Variants in AKAP8 observed in about 807,000 individuals in gnomAD.
AKAP8 encodes A-kinase anchoring protein 8.
AKAP8 carries 24 observed loss-of-function variants against 67.5 expected under a neutral mutation model. That is an observed-to-expected ratio of 0.36 (90% confidence interval 0.26 to 0.50). The LOEUF is 0.50. AKAP8 is among the 20% of genes least tolerant of loss of function. The pLI, the probability that AKAP8 is intolerant of heterozygous loss-of-function variation, is 0.97. For synonymous variants in AKAP8, 400 were observed against 371.1 expected, an observed-to-expected ratio of 1.08 and a Z score of -0.90; for missense variants, 971 against 955.9, an observed-to-expected ratio of 1.02 and a Z score of -0.21.
At chr19:15,379,011 G>C (rs1967313450) in intron 1 of AKAP8, 1 of 152,932 alleles carries the variant, frequency 6.5e-6, no homozygotes, top group South Asian at 2.0e-4. Flanking sequence ...CGAACACTCA[G>C]CATCTGCCCC....
At chr19:15,364,957 A>G (rs1418311184) in intron 9 of AKAP8, among the ~76,000 whole-genome samples, 1 of 152,214 alleles carries the variant, frequency 6.6e-6, no homozygotes, top group Non-Finnish European at 1.5e-5. Context: ...CCGACTTCCC[A>G]AAGGGCAACA....
intron 2 of AKAP8, among the ~76,000 whole-genome samples, chr19:15,376,119 G>A (rs534081155): frequency 2.0e-5 from 3 of 152,044 alleles, no homozygotes; most frequent in Non-Finnish European, 2.9e-5. Context: ...TGGATAAAAG[G>A]ATCACTTGAG....
At chr19:15,356,045 T>A (rs1168960263) in intron 13 of AKAP8, among the ~76,000 whole-genome samples, 1 of 152,058 alleles carries the variant, frequency 6.6e-6, no homozygotes, top group Non-Finnish European at 1.5e-5. Flanking sequence ...CTGCAATTTT[T>A]AATCAAGCAT....
intron 9 of AKAP8, among the ~76,000 whole-genome samples, chr19:15,362,602 C>T (rs1489633574): frequency 4.0e-5 from 6 of 150,370 alleles, no homozygotes; most frequent in Admixed American, 1.3e-4. Context: ...GCGAGTGATC[C>T]GCCAGCCTCG....
chr19:15,370,257 C>T, intron 7 of AKAP8, 78 bp from the exon 8 acceptor site: 3 of 1,553,714 alleles, frequency 1.9e-6, no homozygotes, highest in Non-Finnish European at 1.8e-6. Flanking sequence ...TCCCTGGCCA[C>T]TGCCTGGTGG....
At chr19:15,357,086 T>C (rs1314566493) in intron 13 of AKAP8, among the ~76,000 whole-genome samples, 1 of 151,884 alleles carries the variant, frequency 6.6e-6, no homozygotes, top group African/African-American at 2.4e-5. Flanking sequence ...GCCTCCCAAG[T>C]AGCTGGGATT....
chr19:15,369,941 G>T lies in AKAP8; in HGVS notation c.1072+205C>A, dbSNP rs765183514. Among the ~76,000 whole-genome samples, 1 of 152,146 alleles carries T rather than the reference G, an allele frequency of 6.6e-6. No homozygotes were observed. Among genetic ancestry groups the T allele is most frequent in the African/African-American group, 2.4e-5 (1 of 41,426 alleles). On this transcript the variant is annotated intron_variant, in intron 8 of 13. Transcript: ENST00000269701. This position sits in a 1 kb window ranked among gnomAD's most constrained non-coding sequence, Gnocchi z 4.6. ...CACATCGGGTCAGGCAGACAGACCC[G>T]TTTCCAGTAAATGCTGCCCCAGACA... is the stretch of plus-strand genomic sequence containing the variant.
intron 9 of AKAP8, among the ~76,000 whole-genome samples, chr19:15,368,022 G>A (rs1312854149): frequency 6.6e-6 from 1 of 152,232 alleles, no homozygotes; most frequent in Non-Finnish European, 1.5e-5. Flanking sequence ...CAACGTCCCA[G>A]CCATCCTAGA....
At chr19:15,368,639 T>A (rs1967106965) in intron 8 of AKAP8, 1 of 985,156 alleles carries the variant, frequency 1.0e-6, no homozygotes, top group African/African-American at 1.7e-5. Flanking sequence ...GCTTGTCCAA[T>A]CTCATGCCCT....
At chr19:15,379,620 G>A (rs1967336270) in intron 1 of AKAP8, 93 bp downstream of exon 1, 2 of 1,467,320 alleles carry the variant, frequency 1.4e-6, no homozygotes, top group African/African-American at 2.9e-5. Context: ...CCACGCTCGG[G>A]ACGAAGGCCC....
chr19:15,379,591 G>C, intron 1 of AKAP8, 122 bp downstream of exon 1: 1 of 1,169,196 alleles, frequency 8.6e-7, no homozygotes, highest in South Asian at 1.6e-5. Flanking sequence ...CGCCTCTCCG[G>C]AGGGCCCAGC....
In AKAP8 at chr19:15,359,003, G is replaced by A. The variant is rs1966920726; in HGVS notation, c.1587C>T (p.Asn529=). 19 of 1,614,188 alleles carry A rather than the reference G, an allele frequency of 1.2e-5. No homozygotes were observed. Among genetic ancestry groups the A allele is most frequent in the Non-Finnish European group, 1.6e-5 (19 of 1,180,036 alleles). ...TTTCCAGCATCTTCACTATATGTCT[G>A]TTGTTCAAAACACTCTTAGCCACAT... ...SLHVAKSVLN[N]RHIVKMLEKY... is the part of the protein sequence containing the mutation. Residue 529 remains asparagine, a synonymous_variant, in exon 13 of 14, where the codon AAC becomes AAT. Coordinates refer to ENST00000269701, the MANE Select transcript of AKAP8 (RefSeq NM_005858.4).
intron 9 of AKAP8, among the ~76,000 whole-genome samples, chr19:15,366,291 CTT>C: frequency 1.3e-5 from 2 of 151,572 alleles, no homozygotes; most frequent in East Asian, 3.9e-4. Context: ...ACCCCTATCT[CTT>C]TATTAGATTA....
At chr19:15,372,468 A>C in intron 5 of AKAP8, 121 bp from the exon 6 acceptor site, 1 of 1,345,272 alleles carries the variant, frequency 7.4e-7, no homozygotes, top group Non-Finnish European at 1.0e-6. Context: ...TCAAAAAGCA[A>C]AGAGACAACA....
At chr19:15,361,099 T>C in intron 11 of AKAP8, 121 bp from the exon 12 acceptor site, 1 of 1,299,376 alleles carries the variant, frequency 7.7e-7, no homozygotes, top group Non-Finnish European at 1.0e-6. Flanking sequence ...ACAGCCTGCC[T>C]TTCTATGGGG....
Position 15,374,031 on chromosome 19 carries a change from G to A in AKAP8, c.126C>T (p.Asn42=). 6.3e-7 allele frequency: 1 copy of A among 1,586,382 alleles called. No homozygotes were observed. Among genetic ancestry groups the A allele is most frequent in the Non-Finnish European group, 8.6e-7 (1 of 1,169,488 alleles). Residue 42 remains asparagine (N), a synonymous_variant, in exon 4 of 14, where the codon AAC becomes AAT. Transcript: ENST00000269701. ...YENYNYYGAQ[N]TSVTTGATYS... is the part of the protein sequence containing the mutation. ...AGGTTGCGCCTGTGGTGACACTGGT[G>A]TTCTGGGCGCCATAGTAATTGTAGT...
At chr19:15,365,702 G>C (rs1001048793) in intron 9 of AKAP8, among the ~76,000 whole-genome samples, 1 of 152,254 alleles carries the variant, frequency 6.6e-6, no homozygotes, top group Admixed American at 6.5e-5. Flanking sequence ...CTGCCTCCCC[G>C]TGAGAATTCC....
rs778061953 is a variant in AKAP8 at position 15,369,653 on chromosome 19, G to A, written c.1072+493C>T. The stretch of plus-strand genomic sequence containing the variant: ...CCTGGGTGCTCCCGACCCCGCAGGT[G>A]TCTGCTGTCACACACTCGCAGGCAC... On this transcript the variant is annotated intron_variant, in intron 8 of 13. Coordinates refer to ENST00000269701, the MANE Select transcript of AKAP8 (RefSeq NM_005858.4). This position sits in a 1 kb window ranked among gnomAD's most constrained non-coding sequence, Gnocchi z 4.6. 9.2e-5 allele frequency among the ~76,000 whole-genome samples: 14 copies of A among 152,238 alleles called. No individual in the cohort carries two copies. The highest frequency in any genetic ancestry group is 1.3e-4 in the Non-Finnish European group (9 of 68,048).
At position 15,369,119 on chromosome 19, in the gene AKAP8, G is replaced by C; in HGVS notation, c.1073-797C>G. The C allele has an allele frequency of 2.0e-6, 2 of 985,474 alleles. No homozygotes were observed. The highest frequency in any genetic ancestry group is 2.4e-6 in the Non-Finnish European group (2 of 829,974). 61.0% of individuals were successfully genotyped at this position (985,474 alleles called of 1,614,324 possible). ...ACGAAGATGGCGACCGGCGTGCGCT[G>C]CTCAGAAGCCTCTCAAAAGGGCGTG... is the stretch of plus-strand genomic sequence containing the variant. On this transcript the variant is annotated intron_variant, in intron 8 of 13. Transcript: ENST00000269701. This position sits in a 1 kb window ranked among gnomAD's most constrained non-coding sequence, Gnocchi z 4.6.
Sources: gnomAD v4.1 joint callset for allele counts (sites outside exome capture counted in the v4.1 genomes callset) on GRCh38, gnomAD v4.1.1 for gene constraint, Gnocchi (gnomAD v3.1) non-coding constraint, MANE v1.5 for transcripts, NCBI Gene and HGNC (gene_info 2026-07-23, HGNC 2026-07-21) for gene names.